The following SLC35B3 variants were observed in gnomAD, a reference collection of about 807,000 sequenced individuals.
The protein encoded by SLC35B3 is adenosine 3'-phospho 5'-phosphosulfate transporter 2.
In SLC35B3, 35 loss-of-function variants were observed where a neutral mutation model predicts 44.1. The observed-to-expected ratio is 0.79, with a 90% CI of 0.61 to 1.05. The LOEUF (loss-of-function observed/expected upper bound fraction) is 1.05. SLC35B3 is among the 50% of genes least tolerant of loss of function. The pLI is 0.00. For missense variants in SLC35B3, 414 were observed against 476.4 expected (o/e 0.87, Z 1.22); for synonymous variants, 146 against 167.3 (o/e 0.87, Z 0.98).
Position 8,424,405 on chromosome 6 carries a change from T to C in SLC35B3, c.420-1781A>G, listed in dbSNP as rs577083488. 3.2e-4 allele frequency among the ~76,000 whole-genome samples: 49 copies of C among 152,182 alleles called. No individual in the cohort carries two copies. In the South Asian group the frequency reaches 8.3e-3, roughly 26 times the overall value. ...CCTCCTGAGTAGCTAGGATTACAAG[T>C]GCCCGCCACCATGTCCAGCTAATTT... On this transcript the variant is annotated intron_variant, in intron 4 of 10. Transcript: ENST00000644923.
chr6:8,434,546 T>C lies in SLC35B3; in HGVS notation c.-43-116A>G. ...CTAATGTTTGAAGACTATTCTTTTT[T>C]TTTTCCAAGAGAAAAAGTTAACACT... On this transcript the variant is annotated intron_variant, in intron 1 of 10. Transcript: ENST00000644923. This position sits in a 1 kb window ranked among gnomAD's most constrained non-coding sequence, Gnocchi z 6.3. 1 of 748,196 alleles carries C rather than the reference T, an allele frequency of 1.3e-6. No homozygotes were observed. The highest frequency in any genetic ancestry group is 2.0e-6 in the Non-Finnish European group (1 of 510,646). The allele number at this position is 748,196 out of a possible 1,614,324, so 46.3% of individuals were successfully genotyped here.
chr6:8,429,742 A>G (rs1320578610), intron 3 of SLC35B3, 122 bp downstream of exon 2: 1 of 690,112 alleles, frequency 1.4e-6, no homozygotes, highest in Non-Finnish European at 2.3e-6. Flanking sequence ...ATACTAAAAA[A>G]TTCAAATTTA....
In SLC35B3 at chr6:8,434,317, T is replaced by G; in HGVS notation, c.3+68A>C. ...TGAAAAAAAAGTCATTACGGTGTCATTAACCTGAAAAAACGTGATTTTAAC... is the reference window on the plus strand; with the variant it reads ...TGAAAAAAAAGTCATTACGGTGTCAGTAACCTGAAAAAACGTGATTTTAAC... On this transcript the variant is annotated intron_variant, in intron 2 of 10. Transcript: ENST00000644923. The surrounding 1 kb of genome is among the most constrained non-coding windows in gnomAD (Gnocchi z 6.3). 1 of 1,481,802 alleles carries G rather than the reference T, an allele frequency of 6.7e-7. No individual in the cohort carries two copies. The highest frequency in any genetic ancestry group is 1.1e-5 in the South Asian group (1 of 87,362). 91.8% of individuals were successfully genotyped at this position (1,481,802 alleles called of 1,614,324 possible). A position where few individuals can be genotyped will look rare whatever the true frequency, so the allele number is the denominator to read the frequency against.
intron 3 of SLC35B3, among the ~76,000 whole-genome samples, chr6:8,428,981 C>CTTG (rs1266699644): frequency 6.6e-6 from 1 of 152,042 alleles, no homozygotes; most frequent in Non-Finnish European, 1.5e-5. Flanking sequence ...TTACATTTCC[C>CTTG]TTGATGATCA....
In SLC35B3 at chr6:8,420,712, A is replaced by C. The variant is rs369429737; in HGVS notation, c.682+9T>G. ...CTATAAAAGCTAGGAATATAAATAA[A>C]TTACTTACCCGTCAGGTTGAAATTT... is the stretch of plus-strand genomic sequence containing the variant. On this transcript the variant is annotated intron_variant, in intron 6 of 10. Coordinates refer to ENST00000644923, the MANE Select transcript of SLC35B3 (RefSeq NM_001370476.2). This position sits in a 1 kb window ranked among gnomAD's most constrained non-coding sequence, Gnocchi z 4.4. 255 of 1,598,642 alleles carry C rather than the reference A, an allele frequency of 1.6e-4. No homozygotes were observed. Among genetic ancestry groups the C allele is most frequent in the South Asian group, 9.1e-4 (81 of 89,426 alleles).
chr6:8,426,793 G>A (rs1012147100), intron 4 of SLC35B3, among the ~76,000 whole-genome samples: 1 of 152,202 alleles, frequency 6.6e-6, no homozygotes, highest in African/African-American at 2.4e-5. Flanking sequence ...GAAGAGTTTG[G>A]AGGGCTCAGA....
At position 8,427,876 on chromosome 6, in the gene SLC35B3, C is replaced by T. The variant is rs150289893; in HGVS notation, c.419+61G>A. 343 of 1,491,708 alleles carry T rather than the reference C, an allele frequency of 2.3e-4. 1 individual carries two copies. In the East Asian group the frequency reaches 7.6e-3, roughly 33 times the overall value. The allele number at this position is 1,491,708 out of a possible 1,614,324, so 92.4% of individuals were successfully genotyped here. A position where few individuals can be genotyped will look rare whatever the true frequency, so the allele number is the denominator to read the frequency against. On this transcript the variant is annotated intron_variant, in intron 4 of 10. Transcript: ENST00000644923. ...TAGAAGTATAAATTTCATGCATATTCAGTATGCCAAAAAAATTCAACTAAT... is the reference window on the plus strand; with the variant it reads ...TAGAAGTATAAATTTCATGCATATTTAGTATGCCAAAAAAATTCAACTAAT...
At chr6:8,422,269 C>T (rs1762962534) in intron 5 of SLC35B3, among the ~76,000 whole-genome samples, 1 of 152,160 alleles carries the variant, frequency 6.6e-6, no homozygotes, top group Non-Finnish European at 1.5e-5. Context: ...TCCCACAGTG[C>T]TGGGATTACA....
chr6:8,417,461 T>C lies in SLC35B3; in HGVS notation c.814A>G (p.Ile272Val). ...CTAGTGCATGTCAATCCCAGTAAAA[T>C]GTATACAAAACCAATTGAATACGAA... The change falls in exon 8 of 11, where the codon ATT (isoleucine) becomes GTT (valine). Residue 272 changes from isoleucine (I) to valine (V), a missense_variant. Ile to Val is a conservative substitution (Grantham distance 29, BLOSUM62 3). Transcript: ENST00000644923. 1 of 1,604,960 alleles carries C rather than the reference T, an allele frequency of 6.2e-7. No individual in the cohort carries two copies. The highest frequency in any genetic ancestry group is 8.5e-7 in the Non-Finnish European group (1 of 1,176,408).
rs1021332652 is a variant in SLC35B3 at position 8,434,769 on chromosome 6, C to A, written c.-43-339G>T. On this transcript the variant is annotated intron_variant, in intron 1 of 10. Coordinates refer to ENST00000644923, the MANE Select transcript of SLC35B3 (RefSeq NM_001370476.2). This position sits in a 1 kb window ranked among gnomAD's most constrained non-coding sequence, Gnocchi z 6.3. ...TTAAGATTTTGTTAGCGCACCAAAT[C>A]ATTCCATCTTTTACTTTCAATATTC... 1.3e-5 allele frequency among the ~76,000 whole-genome samples: 2 copies of A among 152,160 alleles called. No individual in the cohort carries two copies. Among genetic ancestry groups the A allele is most frequent in the Non-Finnish European group, 2.9e-5 (2 of 68,026 alleles).
At chr6:8,427,761 CTTTA>C (rs892823300) in intron 4 of SLC35B3, 172 bp downstream of exon 3, 14 of 466,750 alleles carry the variant, frequency 3.0e-5, no homozygotes, top group African/African-American at 2.0e-4. Context: ...GCATTTAAGA[CTTTA>C]TTTTTTTCAG....
chr6:8,426,934 G>C (rs990059460), intron 4 of SLC35B3, among the ~76,000 whole-genome samples: 3 of 152,198 alleles, frequency 2.0e-5, no homozygotes, highest in African/African-American at 7.2e-5. Context: ...TGAGGAACTT[G>C]TTGGGAACTA....
rs1335631 is a variant in SLC35B3 at position 8,432,638 on chromosome 6, C to T, written c.3+1747G>A. ...TAACTTTTCTGAGCTTTAGGTTCTG[C>T]ACCTTCAAAAGTGGGAGGAGTTAAA... On this transcript the variant is annotated intron_variant, in intron 2 of 10. Coordinates refer to ENST00000644923, the MANE Select transcript of SLC35B3 (RefSeq NM_001370476.2). This position sits in a 1 kb window ranked among gnomAD's most constrained non-coding sequence, Gnocchi z 4.8. 0.8 allele frequency among the ~76,000 whole-genome samples: 122,376 copies of T among 152,136 alleles called. 49,994 individuals carry two copies. Among genetic ancestry groups the T allele is most frequent in the African/African-American group, 0.95 (39,421 of 41,540 alleles).
chr6:8,426,245 C>G (rs1413453651), intron 4 of SLC35B3, among the ~76,000 whole-genome samples: 1 of 152,050 alleles, frequency 6.6e-6, no homozygotes, highest in Non-Finnish European at 1.5e-5. Context: ...AGTAAGGTAT[C>G]TTGGGGAATG....
chr6:8,420,777 C>A lies in SLC35B3; in HGVS notation c.626G>T (p.Gly209Val), dbSNP rs1212496479. ...GTCAGCGAGGGTAAACCATATCAGGCCAAGGCTCATACATATGGCAGCAGA... is the reference window on the plus strand; with the variant it reads ...GTCAGCGAGGGTAAACCATATCAGGACAAGGCTCATACATATGGCAGCAGA... The change falls in exon 6 of 11, where the codon GGC becomes GTC. Residue 209 changes from glycine (G) to valine (V), a missense_variant. Gly to Val is a moderately radical substitution (Grantham distance 109). Coordinates refer to ENST00000644923, the MANE Select transcript of SLC35B3 (RefSeq NM_001370476.2). The surrounding 1 kb of genome is among the most constrained non-coding windows in gnomAD (Gnocchi z 4.4). 4.3e-6 allele frequency: 7 copies of A among 1,613,428 alleles called. No individual in the cohort carries two copies. The South Asian group carries it at 7.7e-5, about 18-fold the overall frequency.
In SLC35B3 at chr6:8,420,004, G is replaced by C. The variant is rs6933678; in HGVS notation, c.683-327C>G. On this transcript the variant is annotated intron_variant, in intron 6 of 10. Coordinates refer to ENST00000644923, the MANE Select transcript of SLC35B3 (RefSeq NM_001370476.2). This position sits in a 1 kb window ranked among gnomAD's most constrained non-coding sequence, Gnocchi z 4.4. Reference sequence around the variant, plus strand: ...CTGAAAGTGTAGAAGAAACTCTTAGGATATCTATCTATTGGGATTGGTGGC... The same window carrying C: ...CTGAAAGTGTAGAAGAAACTCTTAGCATATCTATCTATTGGGATTGGTGGC... Among the ~76,000 whole-genome samples the C allele has an allele frequency of 0.27, 40,208 of 150,206 alleles. 5,865 individuals are homozygous for C. The highest frequency in any genetic ancestry group is 0.42 in the East Asian group (2,173 of 5,142).
chr6:8,415,365 T>C (rs568811998), intron 9 of SLC35B3, among the ~76,000 whole-genome samples: 2 of 152,300 alleles, frequency 1.3e-5, no homozygotes, highest in Non-Finnish European at 2.9e-5. Flanking sequence ...TATACTCATA[T>C]CTTAATAGGG....
chr6:8,421,592 C>T (rs1393169143), intron 5 of SLC35B3, among the ~76,000 whole-genome samples: 3 of 152,210 alleles, frequency 2.0e-5, no homozygotes, highest in African/African-American at 2.4e-5. Flanking sequence ...GAATATTCCT[C>T]GTGACAATTA....
rs531672826 is a variant in SLC35B3, at chr6:8,433,188, C to T, written c.3+1197G>A. Among the ~76,000 whole-genome samples the T allele has an allele frequency of 5.8e-4, 89 of 152,272 alleles. No individual in the cohort carries two copies. The highest frequency in any genetic ancestry group is 3.4e-3 in the Middle Eastern group (1 of 294). On this transcript the variant is annotated intron_variant, in intron 2 of 10. Transcript: ENST00000644923. The surrounding 1 kb of genome is among the most constrained non-coding windows in gnomAD (Gnocchi z 4.1). ...CAGCCATTTTCTCTTGCCTAGATTA[C>T]GAGACTGTTTATAATCAATTCTTCC...
Sources: gnomAD v4.1 joint callset for allele counts (sites outside exome capture counted in the v4.1 genomes callset) on GRCh38, gnomAD v4.1.1 for gene constraint, Gnocchi (gnomAD v3.1) non-coding constraint, MANE v1.5 for transcripts, NCBI Gene and HGNC (gene_info 2026-07-23, HGNC 2026-07-21) for gene names.